GRPR: variants seen among roughly 807,000 people sequenced by gnomAD.
GRPR encodes the protein gastrin releasing peptide receptor.
A neutral mutation model predicts 15.6 loss-of-function variants in GRPR; 4 were observed. That is an observed-to-expected ratio of 0.26 (90% CI 0.13 to 0.59). The LOEUF (loss-of-function observed/expected upper bound fraction) is 0.59. Among genes scored for constraint, GRPR ranks in the 20% least tolerant of loss-of-function variants. GRPR has a pLI of 0.90. For missense variants in GRPR, 270 were observed against 304.1 expected (o/e 0.89, Z 0.83); for synonymous variants, 128 against 126.8 (o/e 1.01, Z -0.06).
At chrX:16,132,678 ACTTT>A (rs1235390874) in intron 1 of GRPR, among the ~76,000 whole-genome samples, 1 of 110,740 alleles carries the variant, frequency 9.0e-6, no homozygotes, top group Admixed American at 9.6e-5. Context: ...GATTAGAAAA[ACTTT>A]CTTTCAACTT....
At chrX:16,139,378 C>A (rs1922495895) in intron 1 of GRPR, among the ~76,000 whole-genome samples, 1 of 111,557 alleles carries the variant, frequency 9.0e-6, no homozygotes, top group African/African-American at 3.3e-5. Context: ...CCGCAGCCTG[C>A]GGACCACCTG....
At chrX:16,136,743 C>G (rs1601943867) in intron 1 of GRPR, among the ~76,000 whole-genome samples, 1 of 112,091 alleles carries the variant, frequency 8.9e-6, no homozygotes, top group African/African-American at 3.2e-5. Context: ...TCTATTGCAA[C>G]TGCTCAATTC....
chrX:16,125,557 T>C (rs1216563737), intron 1 of GRPR, among the ~76,000 whole-genome samples: 3 of 112,512 alleles, frequency 2.7e-5, no homozygotes. Flanking sequence ...TGCTGGATTC[T>C]CATTTTGTAG....
At chrX:16,144,471 A>G (rs769848743) in intron 1 of GRPR, among the ~76,000 whole-genome samples, 28 of 111,966 alleles carry the variant, frequency 2.5e-4, no homozygotes, top group Non-Finnish European at 4.5e-4. Context: ...TTGTAGTGCA[A>G]CAATTCCTAC....
chrX:16,148,998 C>T (rs973155882), intron 1 of GRPR, among the ~76,000 whole-genome samples: 1 of 111,977 alleles, frequency 8.9e-6, no homozygotes, highest in Non-Finnish European at 1.9e-5. Context: ...GTGGTTCCTG[C>T]CCAGTGACTG....
chrX:16,152,492 C>T lies in GRPR; in HGVS notation c.1002C>T (p.Asn334=). 2 of 1,210,717 alleles carry T rather than the reference C, an allele frequency of 1.7e-6. No individual in the cohort carries two copies. Among genetic ancestry groups the T allele is most frequent in the South Asian group, 1.8e-5 (1 of 56,978 alleles). ...LLSKSFRKQF[N]TQLLCCQPGL... ...GCAAGAGTTTCAGGAAACAGTTCAACACTCAGCTGCTCTGTTGCCAGCCTG... is the reference window on the plus strand; with the variant it reads ...GCAAGAGTTTCAGGAAACAGTTCAATACTCAGCTGCTCTGTTGCCAGCCTG... Residue 334 remains asparagine, a synonymous_variant, in exon 3 of 3, where the codon AAC becomes AAT. Transcript: ENST00000380289.
At chrX:16,131,468 T>C (rs940608735) in intron 1 of GRPR, among the ~76,000 whole-genome samples, 3 of 111,983 alleles carry the variant, frequency 2.7e-5, no homozygotes, top group Non-Finnish European at 5.6e-5. Context: ...TTTTTTCAGG[T>C]CTACTGAGGC....
intron 1 of GRPR, among the ~76,000 whole-genome samples, chrX:16,141,980 T>G (rs1425279987): frequency 8.9e-6 from 1 of 111,990 alleles, no homozygotes; most frequent in African/African-American, 3.2e-5. Flanking sequence ...CTAGTTTTAA[T>G]TAAAGTAACC....
intron 1 of GRPR, among the ~76,000 whole-genome samples, chrX:16,127,570 T>A (rs374966333): frequency 1.8e-5 from 2 of 111,634 alleles, no homozygotes; most frequent in East Asian, 5.6e-4. Flanking sequence ...CTCTCCAGAA[T>A]GCTTTCTCCT....
intron 1 of GRPR, 79 bp from the exon 2 acceptor site, chrX:16,150,226 G>T (rs752283474): frequency 1.4e-6 from 1 of 705,216 alleles, no homozygotes. Flanking sequence ...CAGGTGTCTC[G>T]CTTGCCTCAA....
At chrX:16,140,129 C>T (rs1034844095) in intron 1 of GRPR, among the ~76,000 whole-genome samples, 7 of 111,550 alleles carry the variant, frequency 6.3e-5, no homozygotes, top group Non-Finnish European at 1.1e-4. Context: ...GATCAACCTC[C>T]TGGGCCAGTG....
chrX:16,134,178 G>A (rs1922416601), intron 1 of GRPR, among the ~76,000 whole-genome samples: 1 of 111,302 alleles, frequency 9.0e-6, no homozygotes, highest in South Asian at 3.7e-4. Context: ...TCTCTTTTCT[G>A]TATTTGCCAT....
In GRPR at chrX:16,123,747, G is replaced by T; in HGVS notation, c.-207G>T. ...TTGAATTTAGAGTTGTATTGCACTG[G>T]TCATGTGAAAGCCAGAGCAGCACCA... On this transcript the variant is annotated 5_prime_UTR_variant, in exon 1 of 3. Transcript: ENST00000380289. 2.1e-6 allele frequency: 1 copy of T among 465,350 alleles called. No individual in the cohort carries two copies. Among genetic ancestry groups the T allele is most frequent in the Non-Finnish European group, 3.8e-6 (1 of 266,076 alleles). The allele number at this position is 465,350 out of a possible 1,213,427, so 38.4% of individuals were successfully genotyped here.
intron 1 of GRPR, among the ~76,000 whole-genome samples, chrX:16,142,451 A>G (rs1408898557): frequency 1.8e-5 from 2 of 110,746 alleles, no homozygotes; most frequent in Non-Finnish European, 3.8e-5. Context: ...AGCTTTGGAA[A>G]GTAAGGTGCA....
intron 1 of GRPR, among the ~76,000 whole-genome samples, chrX:16,143,270 G>A (rs1233901310): frequency 9.0e-6 from 1 of 111,648 alleles, no homozygotes; most frequent in Non-Finnish European, 1.9e-5. Context: ...CCATCCTGGT[G>A]GGAAAAACTA....
chrX:16,139,649 G>T (rs1182268314), intron 1 of GRPR, among the ~76,000 whole-genome samples: 1 of 111,420 alleles, frequency 9.0e-6, no homozygotes, highest in Admixed American at 9.5e-5. Flanking sequence ...AGTAAGATTG[G>T]TATCTTTAGC....
chrX:16,153,110 A>G lies in GRPR; in HGVS notation c.*465A>G, dbSNP rs914616525. ...CTCTGTTTTCAGGAATATCTGTAAT[A>G]CACAAACCAAGGAACAACTTTTATT... On this transcript the variant is annotated 3_prime_UTR_variant, in exon 3 of 3. Coordinates refer to ENST00000380289, the MANE Select transcript of GRPR (RefSeq NM_005314.3). The G allele has an allele frequency of 3.0e-5, 4 of 131,712 alleles. No individual in the cohort carries two copies. Among genetic ancestry groups the G allele is most frequent in the Non-Finnish European group, 6.2e-5 (4 of 64,336 alleles). 10.9% of individuals were successfully genotyped at this position (131,712 alleles called of 1,213,427 possible). A position where few individuals can be genotyped will look rare whatever the true frequency, so the allele number is the denominator to read the frequency against.
chrX:16,124,436 G>A lies in GRPR; in HGVS notation c.413+70G>A, dbSNP rs1366893684. Reference sequence around the variant, plus strand: ...GCCTGGGTAAATGAACTACCATGTCGGGACAGGGAGCTGATTGCACAAGGG... The same window carrying A: ...GCCTGGGTAAATGAACTACCATGTCAGGACAGGGAGCTGATTGCACAAGGG... On this transcript the variant is annotated intron_variant, in intron 1 of 2. Coordinates refer to ENST00000380289, the MANE Select transcript of GRPR (RefSeq NM_005314.3). 11 of 983,524 alleles carry A rather than the reference G, an allele frequency of 1.1e-5. No individual in the cohort carries two copies. The East Asian group carries it at 2.1e-4, about 19-fold the overall frequency. The allele number at this position is 983,524 out of a possible 1,213,427, so 81.1% of individuals were successfully genotyped here.
intron 2 of GRPR, 69 bp from the exon 3 acceptor site, chrX:16,152,187 T>C: frequency 1.1e-6 from 1 of 922,206 alleles, no homozygotes; most frequent in South Asian, 2.0e-5. Context: ...CCTGAATCTT[T>C]GTCTCTCTGC....
Sources: gnomAD v4.1 joint callset for allele counts (sites outside exome capture counted in the v4.1 genomes callset) on GRCh38, gnomAD v4.1.1 for gene constraint, MANE v1.5 for transcripts, NCBI Gene and HGNC (gene_info 2026-07-23, HGNC 2026-07-21) for gene names.